CA5A: variants seen among roughly 807,000 people sequenced by gnomAD.
CA5A encodes the protein carbonic anhydrase 5A, mitochondrial.
In CA5A, 28 loss-of-function variants were observed where a neutral mutation model predicts 37.1. That is an observed-to-expected ratio of 0.75 (90% CI 0.56 to 1.03). The LOEUF is 1.03. Ranked by LOEUF, CA5A falls within the 50% of genes least tolerant of loss-of-function variation. The pLI is 0.00. For synonymous variants in CA5A, 171 were observed against 158.4 expected (o/e 1.08, Z -0.60); for missense variants, 444 against 399.9 (o/e 1.11, Z -0.94).
intron 2 of CA5A, among the ~76,000 whole-genome samples, chr16:87,925,133 G>A (rs957576820): frequency 3.3e-5 from 5 of 152,192 alleles, no homozygotes; most frequent in East Asian, 3.9e-4. Flanking sequence ...GGACGCACCC[G>A]GGAGGAGGCA....
chr16:87,917,432 G>A (rs1194844113), intron 2 of CA5A, among the ~76,000 whole-genome samples: 1 of 152,202 alleles, frequency 6.6e-6, no homozygotes, highest in Non-Finnish European at 1.5e-5. Flanking sequence ...TGTTTGGTAC[G>A]TTTTCATTTT....
intron 2 of CA5A, among the ~76,000 whole-genome samples, chr16:87,918,829 TC>T: frequency 6.6e-6 from 1 of 152,008 alleles, no homozygotes; most frequent in East Asian, 1.9e-4. Context: ...CGATTCCCAA[TC>T]CAGGTGAACA....
At position 87,904,904 on chromosome 16, in the gene CA5A, C is replaced by T; in HGVS notation, c.341G>A (p.Gly114Glu). 6.3e-7 allele frequency: 1 copy of T among 1,597,978 alleles called. No homozygotes were observed. The part of the protein sequence containing the change: ...VEFDDATEAS[G>E]ISGGPLENHY... ...GTTTTCCAAGGGCCCACCACTAATTCCTGGAAATAAAGGCAGTGAGACGTG... is the reference window on the plus strand; with the variant it reads ...GTTTTCCAAGGGCCCACCACTAATTTCTGGAAATAAAGGCAGTGAGACGTG... The change falls in exon 3 of 7, where the codon GGA becomes GAA. Residue 114 changes from glycine (G) to glutamate (E), a missense_variant and splice_region_variant. By Grantham distance (98) the Gly-to-Glu change is moderately conservative (BLOSUM62 -2). Transcript: ENST00000649794.
chr16:87,934,923 G>A lies in CA5A; in HGVS notation c.142+1386C>T, dbSNP rs199920428. 2.0e-5 allele frequency among the ~76,000 whole-genome samples: 3 copies of A among 152,242 alleles called. No individual in the cohort carries two copies. The East Asian group carries it at 5.8e-4, about 29-fold the overall frequency. On this transcript the variant is annotated intron_variant, in intron 1 of 6. Transcript: ENST00000649794. ...TGCAGTGAGCCGAGATCGCACCACT[G>A]CACTCCAGTCCACAGGTGTGGACCC... is the stretch of plus-strand genomic sequence containing the variant.
chr16:87,913,288 G>T (rs1316874837), intron 2 of CA5A, among the ~76,000 whole-genome samples: 4 of 149,162 alleles, frequency 2.7e-5, no homozygotes, highest in African/African-American at 1.0e-4. Context: ...CCATCAACAG[G>T]TTTTGAATGT....
intron 2 of CA5A, among the ~76,000 whole-genome samples, chr16:87,925,222 A>T (rs1326059586): frequency 1.3e-5 from 2 of 152,104 alleles, no homozygotes; most frequent in African/African-American, 2.4e-5. Flanking sequence ...ATTCCCCAGG[A>T]AGAGTCACTG....
In CA5A at chr16:87,936,374, C is replaced by A. The variant is rs368273900; in HGVS notation, c.77G>T (p.Arg26Leu). 6.2e-7 allele frequency: 1 copy of A among 1,613,984 alleles called. No homozygotes were observed. The highest frequency in any genetic ancestry group is 1.3e-5 in the African/African-American group (1 of 74,992). Residue 26 changes from arginine (R) to leucine (L), a missense_variant, in exon 1 of 7, where the codon CGT becomes CTT. Arg to Leu is a moderately radical substitution (Grantham distance 102). Transcript: ENST00000649794. ...VEQMWAPLWS[R>L]SMRPGRWCSQ... ...ACACCATCGCCCTGGCCTCATCGAA[C>A]GACTCCAGAGAGGGGCCCACATCTG...
At chr16:87,929,691 T>G (rs556453086) in intron 1 of CA5A, among the ~76,000 whole-genome samples, 1 of 150,902 alleles carries the variant, frequency 6.6e-6, no homozygotes, top group Non-Finnish European at 1.5e-5. Context: ...GCTAACACCG[T>G]GAAACCCGGT....
At chr16:87,900,017 A>G (rs1332690231) in intron 5 of CA5A, among the ~76,000 whole-genome samples, 1 of 148,596 alleles carries the variant, frequency 6.7e-6, no homozygotes, top group Non-Finnish European at 1.5e-5. Flanking sequence ...ACCAGAGCTC[A>G]GTCCGCGGTG....
chr16:87,923,607 G>T (rs758131469), intron 2 of CA5A: 1 of 985,322 alleles, frequency 1.0e-6, no homozygotes, highest in East Asian at 1.1e-4. Flanking sequence ...CATTAGCCGG[G>T]TGCCTGATGC....
chr16:87,889,828 G>C (rs1337046202), intron 6 of CA5A, among the ~76,000 whole-genome samples: 1 of 152,184 alleles, frequency 6.6e-6, no homozygotes, highest in South Asian at 2.1e-4. Flanking sequence ...TATCTCACTT[G>C]TTCACAGAAT....
chr16:87,923,456 G>A (rs1160484999), intron 2 of CA5A: 3 of 772,368 alleles, frequency 3.9e-6, no homozygotes, highest in Non-Finnish European at 3.1e-6. Context: ...CCAAAGTGCT[G>A]GGATTATAAG....
At chr16:87,910,924 AT>A (rs1166036313) in intron 2 of CA5A, among the ~76,000 whole-genome samples, 1 of 151,544 alleles carries the variant, frequency 6.6e-6, no homozygotes, top group Admixed American at 6.6e-5. Flanking sequence ...TAATTTTTGT[AT>A]TTTTAGTAGA....
intron 2 of CA5A, among the ~76,000 whole-genome samples, chr16:87,905,668 C>A (rs76921860): frequency 6.6e-6 from 1 of 152,210 alleles, no homozygotes; most frequent in Non-Finnish European, 1.5e-5. Context: ...TGAGCAAGGT[C>A]TTTAAATAAG....
chr16:87,891,617 G>A (rs1389934524), intron 6 of CA5A, among the ~76,000 whole-genome samples, 182 bp downstream of exon 6: 2 of 152,160 alleles, frequency 1.3e-5, no homozygotes, highest in Admixed American at 6.5e-5. Context: ...CACTGGAACC[G>A]CTGTCCAATC....
At chr16:87,892,096 C>A in intron 5 of CA5A, 142 bp from the exon 6 acceptor site, 1 of 664,708 alleles carries the variant, frequency 1.5e-6, no homozygotes, top group Non-Finnish European at 2.4e-6. Flanking sequence ...TGCTGTCACA[C>A]TTGCAAGCAG....
At chr16:87,895,308 G>T (rs1284430173) in intron 5 of CA5A, among the ~76,000 whole-genome samples, 1 of 152,218 alleles carries the variant, frequency 6.6e-6, no homozygotes, top group African/African-American at 2.4e-5. Flanking sequence ...CACTTTGGGA[G>T]GCCGAGGCGG....
At chr16:87,934,965 T>G (rs1180014477) in intron 1 of CA5A, among the ~76,000 whole-genome samples, 3 of 152,056 alleles carry the variant, frequency 2.0e-5, no homozygotes, top group Admixed American at 6.5e-5. Flanking sequence ...GAGGAATGAG[T>G]GTAGCTCACT....
At chr16:87,900,709 G>A (rs1329388902) in intron 5 of CA5A, among the ~76,000 whole-genome samples, 2 of 152,258 alleles carry the variant, frequency 1.3e-5, no homozygotes, top group African/African-American at 4.8e-5. Flanking sequence ...ATCGCTGGGC[G>A]GAGAGCTGCG....
Sources: allele counts gnomAD v4.1 joint callset (sites outside exome capture counted in the v4.1 genomes callset), GRCh38; gene constraint gnomAD v4.1.1; transcripts MANE v1.5; gene names NCBI Gene and HGNC (gene_info 2026-07-23, HGNC 2026-07-21).